The following TRDN variants were observed in gnomAD, a reference collection of about 807,000 sequenced individuals.
The protein encoded by TRDN is triadin.
In TRDN, 161 loss-of-function variants were observed where a neutral mutation model predicts 149.7. The observed-to-expected ratio is 1.08, with a 90% CI of 0.95 to 1.23. The LOEUF (loss-of-function observed/expected upper bound fraction) is 1.23. Ranked by LOEUF, TRDN falls within the 50% of genes most tolerant of loss-of-function variation. The probability of loss-of-function intolerance (pLI) is 0.00; values close to 1 mark genes in which losing one functional copy is unlikely to be tolerated. For synonymous variants in TRDN, 294 were observed against 250.5 expected (o/e 1.17, Z -1.64); for missense variants, 896 against 823.5 (o/e 1.09, Z -1.08).
chr6:123,224,184 C>T, intron 38 of TRDN, 53 bp from the exon 39 acceptor site: 1 of 1,552,216 alleles, frequency 6.4e-7, no homozygotes, highest in Non-Finnish European at 8.9e-7. Context: ...TCAGTTTTCC[C>T]AGAGGAAGTA....
At chr6:123,281,273 T>C (rs1189171794) in intron 24 of TRDN, among the ~76,000 whole-genome samples, 1 of 152,050 alleles carries the variant, frequency 6.6e-6, no homozygotes, top group Non-Finnish European at 1.5e-5. Flanking sequence ...CTGAGAACCT[T>C]TTGTTAATGT....
At chr6:123,437,536 G>A in intron 12 of TRDN, 1 of 204,090 alleles carries the variant, frequency 4.9e-6, no homozygotes, top group Non-Finnish European at 9.9e-6. Context: ...CACTCTAGTA[G>A]CTGGGACATT....
intron 1 of TRDN, among the ~76,000 whole-genome samples, chr6:123,623,523 C>G (rs11967391): frequency 2.0e-5 from 3 of 151,750 alleles, no homozygotes; most frequent in South Asian, 4.2e-4. Flanking sequence ...TAGGGAAGAT[C>G]GTTGCAACAA....
At position 123,527,309 on chromosome 6, in the gene TRDN, G is replaced by A. The variant is rs192390912; in HGVS notation, c.484+3197C>T. On this transcript the variant is annotated intron_variant, in intron 5 of 40. Transcript: ENST00000334268. Reference sequence around the variant, plus strand: ...CATTCTCTTTAATTCTTTGAAGTTAGTCTGTATATATCTTTTTATTTAAAA... The same window carrying A: ...CATTCTCTTTAATTCTTTGAAGTTAATCTGTATATATCTTTTTATTTAAAA... Among the ~76,000 whole-genome samples the A allele has an allele frequency of 1.1e-4, 16 of 151,976 alleles. No individual in the cohort carries two copies. In the East Asian group the frequency reaches 3.1e-3, roughly 29 times the overall value.
intron 10 of TRDN, among the ~76,000 whole-genome samples, chr6:123,450,803 A>G (rs1052294423): frequency 6.6e-6 from 1 of 152,112 alleles, no homozygotes; most frequent in Non-Finnish European, 1.5e-5. Flanking sequence ...TACACATTCT[A>G]TTCAATAGTG....
intron 23 of TRDN, among the ~76,000 whole-genome samples, chr6:123,331,458 T>C (rs184473860): frequency 4.6e-4 from 70 of 152,206 alleles, no homozygotes; most frequent in African/African-American, 1.3e-3. Flanking sequence ...CTCCTAGCTA[T>C]ACAATATGTT....
chr6:123,442,089 T>C (rs1774927080), intron 10 of TRDN: 1 of 152,142 alleles, frequency 6.6e-6, no homozygotes, highest in African/African-American at 2.4e-5. Flanking sequence ...ACACGAGTGA[T>C]TATTAGAGTT....
chr6:123,404,391 A>C (rs915053510), intron 12 of TRDN, among the ~76,000 whole-genome samples: 2 of 152,124 alleles, frequency 1.3e-5, no homozygotes, highest in Non-Finnish European at 2.9e-5. Context: ...TTAGATTACA[A>C]TCTATTTTTA....
chr6:123,592,839 C>G (rs1201357209), intron 1 of TRDN, among the ~76,000 whole-genome samples: 1 of 152,116 alleles, frequency 6.6e-6, no homozygotes, highest in South Asian at 2.1e-4. Context: ...TGCAAGATAT[C>G]TGCCATTCAC....
intron 26 of TRDN, 58 bp from the exon 27 acceptor site, chr6:123,274,728 T>C (rs1777314739): frequency 1.4e-6 from 2 of 1,460,658 alleles, no homozygotes; most frequent in Admixed American, 3.7e-5. Flanking sequence ...AGAATGAAAA[T>C]TAATTTTTAG....
chr6:123,619,417 G>T (rs923443398), intron 1 of TRDN, among the ~76,000 whole-genome samples: 3 of 152,008 alleles, frequency 2.0e-5, no homozygotes, highest in African/African-American at 7.2e-5. Flanking sequence ...TCAAGGTCTT[G>T]GTCTCTTTCA....
intron 1 of TRDN, among the ~76,000 whole-genome samples, chr6:123,632,403 C>A (rs75251354): frequency 6.6e-6 from 1 of 151,858 alleles, no homozygotes; most frequent in African/African-American, 2.4e-5. Flanking sequence ...CAATAGTGTG[C>A]CTTTTTTGTG....
At chr6:123,448,469 C>T (rs942969647) in intron 10 of TRDN, among the ~76,000 whole-genome samples, 4 of 152,156 alleles carry the variant, frequency 2.6e-5, no homozygotes, top group East Asian at 1.9e-4. Flanking sequence ...TGGCTTTCCC[C>T]GACTTCCCTG....
chr6:123,326,277 G>A (rs192593307), intron 23 of TRDN, among the ~76,000 whole-genome samples: 88 of 152,148 alleles, frequency 5.8e-4, no homozygotes, highest in South Asian at 1.0e-3. Context: ...CAAATAGCCA[G>A]CTTCCAGCTC....
At chr6:123,291,236 T>C (rs1778000330) in intron 24 of TRDN, among the ~76,000 whole-genome samples, 1 of 152,012 alleles carries the variant, frequency 6.6e-6, no homozygotes, top group Non-Finnish European at 1.5e-5. Context: ...ATAGTCATAT[T>C]TTGTCCTAGA....
intron 10 of TRDN, among the ~76,000 whole-genome samples, chr6:123,441,506 G>T (rs1305036771): frequency 6.6e-6 from 1 of 152,186 alleles, no homozygotes; most frequent in East Asian, 1.9e-4. Flanking sequence ...GCCCTGAAAT[G>T]ATGGCTGTAT....
In TRDN at chr6:123,218,529, G is replaced by T; in HGVS notation, c.*72C>A. ...TTCTCTGGGTTGCATATTCTTAATT[G>T]CCTGAACTACTGTGGACAAAACATC... On this transcript the variant is annotated 3_prime_UTR_variant, in exon 41 of 41. Transcript: ENST00000334268. 6.6e-7 allele frequency: 1 copy of T among 1,508,050 alleles called. No homozygotes were observed. The highest frequency in any genetic ancestry group is 8.9e-7 in the Non-Finnish European group (1 of 1,121,342). 93.4% of individuals were successfully genotyped at this position (1,508,050 alleles called of 1,614,324 possible). A position where few individuals can be genotyped will look rare whatever the true frequency, so the allele number is the denominator to read the frequency against.
intron 22 of TRDN, among the ~76,000 whole-genome samples, chr6:123,336,567 T>C (rs2114735778): frequency 6.6e-6 from 1 of 152,132 alleles, no homozygotes; most frequent in Non-Finnish European, 1.5e-5. Context: ...CATAGCATCC[T>C]GTGTACCTCC....
At position 123,394,391 on chromosome 6, in the gene TRDN, G is replaced by A. The variant is rs775674375; in HGVS notation, c.1052-714C>T. Among the ~76,000 whole-genome samples the A allele has an allele frequency of 7.3e-5, 11 of 151,658 alleles. No individual in the cohort carries two copies. In the South Asian group the frequency reaches 1.7e-3, roughly 23 times the overall value. On this transcript the variant is annotated intron_variant, in intron 12 of 40. Coordinates refer to ENST00000334268, the MANE Select transcript of TRDN (RefSeq NM_006073.4). ...GTAAATAAAAATTTCAAAAAATAAC[G>A]GCTCACTTCACATTTGACTTAGTAT... is the stretch of plus-strand genomic sequence containing the variant.
Sources: allele counts gnomAD v4.1 joint callset (sites outside exome capture counted in the v4.1 genomes callset), GRCh38; gene constraint gnomAD v4.1.1; transcripts MANE v1.5; gene names NCBI Gene and HGNC (gene_info 2026-07-23, HGNC 2026-07-21).